PTPRG: variants seen among roughly 807,000 people sequenced by gnomAD.
PTPRG encodes the protein protein tyrosine phosphatase receptor type G, also known as receptor-type tyrosine-protein phosphatase gamma.
Under a neutral mutation model 165.3 loss-of-function variants are expected in PTPRG, and 102 were observed. The observed-to-expected ratio is 0.62, with a 90% CI of 0.53 to 0.73. The LOEUF (loss-of-function observed/expected upper bound fraction) is 0.73, where lower values mean the gene tolerates loss of function less well. Among genes scored for constraint, PTPRG ranks in the 30% least tolerant of loss-of-function variants. The pLI is 0.00. For missense variants in PTPRG, 1,866 were observed against 1,861.4 expected (o/e 1.00, Z -0.05); for synonymous variants, 675 against 669.5 (o/e 1.01, Z -0.13).
At chr3:61,740,172 T>C (rs1364079975) in intron 1 of PTPRG, among the ~76,000 whole-genome samples, 1 of 152,218 alleles carries the variant, frequency 6.6e-6, no homozygotes, top group Non-Finnish European at 1.5e-5. Context: ...GCCTTTGATA[T>C]TACACCAACA....
chr3:61,688,676 A>T (rs2029936337), intron 1 of PTPRG, among the ~76,000 whole-genome samples: 1 of 152,206 alleles, frequency 6.6e-6, no homozygotes, highest in African/African-American at 2.4e-5. Flanking sequence ...ATACCAAAGG[A>T]CTTAACGCTT....
At chr3:61,760,809 A>G (rs1363199821) in intron 2 of PTPRG, among the ~76,000 whole-genome samples, 1 of 151,996 alleles carries the variant, frequency 6.6e-6, no homozygotes, top group African/African-American at 2.4e-5. Flanking sequence ...CCCTGTGTCC[A>G]TGTGTTCAGC....
chr3:61,782,134 T>C (rs886550813), intron 2 of PTPRG, among the ~76,000 whole-genome samples: 1 of 152,188 alleles, frequency 6.6e-6, no homozygotes, highest in African/African-American at 2.4e-5. Flanking sequence ...GCAGCTACTT[T>C]AAAATATTGG....
rs1345200327 is a variant in PTPRG, at chr3:62,293,465, G to T, written c.*158G>T. ...TTTTTTGCCATTTTATGTCTTAATG[G>T]TATCCTACTGAGCATTTGCACCTCT... On this transcript the variant is annotated 3_prime_UTR_variant, in exon 30 of 30. Coordinates refer to ENST00000474889, the MANE Select transcript of PTPRG (RefSeq NM_002841.4). 1 of 579,580 alleles carries T rather than the reference G, an allele frequency of 1.7e-6. No homozygotes were observed. The highest frequency in any genetic ancestry group is 1.9e-5 in the African/African-American group (1 of 52,220). 35.9% of individuals were successfully genotyped at this position (579,580 alleles called of 1,614,324 possible).
intron 2 of PTPRG, among the ~76,000 whole-genome samples, chr3:61,887,592 T>C (rs1216055716): frequency 6.6e-6 from 1 of 152,204 alleles, no homozygotes; most frequent in African/African-American, 2.4e-5. Context: ...AGCTGCTATT[T>C]AACCTTTTGA....
intron 2 of PTPRG, among the ~76,000 whole-genome samples, chr3:61,920,430 T>C (rs1353708958): frequency 6.6e-6 from 1 of 152,234 alleles, no homozygotes. Context: ...GGAGTCTTGC[T>C]CTGTTGCCAG....
At chr3:62,068,271 G>A (rs1271167420) in intron 4 of PTPRG, among the ~76,000 whole-genome samples, 1 of 152,130 alleles carries the variant, frequency 6.6e-6, no homozygotes, top group Non-Finnish European at 1.5e-5. Flanking sequence ...TCAGGGGAAA[G>A]GGTAGGCAGG....
Position 62,251,639 on chromosome 3 carries a change from C to CA in PTPRG, c.2468-3474dup, listed in dbSNP as rs910381808. On this transcript the variant is annotated intron_variant, in intron 15 of 29. Coordinates refer to ENST00000474889, the MANE Select transcript of PTPRG (RefSeq NM_002841.4). ...TGGGTGACACAGTGAGACCATGTCT[C>CA]AAAAAAAAAAATTAGCACAAAATTA... Among the ~76,000 whole-genome samples the CA allele has an allele frequency of 3.8e-4, 54 of 143,268 alleles. 1 individual carries two copies. Among genetic ancestry groups the CA allele is most frequent in the Middle Eastern group, 7.0e-3 (2 of 284 alleles). The allele number at this position is 143,268 out of a possible 152,430, so 94.0% of individuals were successfully genotyped here.
chr3:61,932,473 A>G (rs1478695827), intron 2 of PTPRG, among the ~76,000 whole-genome samples: 3 of 152,240 alleles, frequency 2.0e-5, no homozygotes, highest in Admixed American at 6.5e-5. Flanking sequence ...TGAGCTGACC[A>G]AGTACCTTTG....
chr3:61,940,041 G>T (rs1362317464), intron 2 of PTPRG, among the ~76,000 whole-genome samples: 1 of 135,256 alleles, frequency 7.4e-6, no homozygotes, highest in Non-Finnish European at 1.5e-5. Context: ...CTGCCTCCCA[G>T]GTTCAAGCAA....
intron 2 of PTPRG, among the ~76,000 whole-genome samples, chr3:61,808,058 T>C (rs2035468772): frequency 1.3e-5 from 2 of 152,190 alleles, no homozygotes; most frequent in African/African-American, 4.8e-5. Flanking sequence ...TGTGTAATCC[T>C]ATCCAGGCAC....
chr3:62,288,842 C>CTGT (rs1409024177), intron 28 of PTPRG, among the ~76,000 whole-genome samples: 1 of 152,192 alleles, frequency 6.6e-6, no homozygotes, highest in East Asian at 1.9e-4. Context: ...TGGCCATGAG[C>CTGT]TGTTGATCAT....
intron 29 of PTPRG, 151 bp from the exon 30 acceptor site, chr3:62,293,010 T>C: frequency 1.5e-6 from 1 of 648,142 alleles, no homozygotes; most frequent in Non-Finnish European, 2.5e-6. Flanking sequence ...TAAATTCAAA[T>C]GATTTTTTTT....
chr3:62,045,873 T>C (rs1700273182), intron 4 of PTPRG, among the ~76,000 whole-genome samples: 1 of 152,222 alleles, frequency 6.6e-6, no homozygotes, highest in Admixed American at 6.5e-5. Context: ...TATCTTTGCA[T>C]GGGCAAAGGT....
intron 1 of PTPRG, among the ~76,000 whole-genome samples, chr3:61,615,728 A>T (rs1329848086): frequency 6.6e-6 from 1 of 152,156 alleles, no homozygotes. Flanking sequence ...CATTATTTTG[A>T]TGCTCAGATC....
intron 2 of PTPRG, among the ~76,000 whole-genome samples, chr3:61,956,903 A>T (rs1329691148): frequency 6.6e-6 from 1 of 152,140 alleles, no homozygotes; most frequent in African/African-American, 2.4e-5. Flanking sequence ...TCTTTAATGA[A>T]ATTGCTTTGA....
intron 5 of PTPRG, among the ~76,000 whole-genome samples, chr3:62,123,510 CATA>C (rs1703159658): frequency 6.6e-6 from 1 of 152,100 alleles, no homozygotes; most frequent in Non-Finnish European, 1.5e-5. Flanking sequence ...TATAACATAG[CATA>C]ATAAAAATCA....
chr3:62,135,493 C>T (rs1703674384), intron 6 of PTPRG, among the ~76,000 whole-genome samples: 2 of 152,012 alleles, frequency 1.3e-5, no homozygotes, highest in South Asian at 4.1e-4. Flanking sequence ...ATTTCTTCAG[C>T]TCTGGGAATC....
intron 5 of PTPRG, among the ~76,000 whole-genome samples, chr3:62,116,422 T>A (rs761388759): frequency 1.9e-4 from 29 of 152,186 alleles, no homozygotes; most frequent in Non-Finnish European, 4.1e-4. Context: ...AGAAATAATT[T>A]ACCATAAACA....
Sources: allele counts gnomAD v4.1 joint callset (sites outside exome capture counted in the v4.1 genomes callset), GRCh38; gene constraint gnomAD v4.1.1; transcripts MANE v1.5; gene names NCBI Gene and HGNC (gene_info 2026-07-23, HGNC 2026-07-21).